The following GRK1 variants were observed in gnomAD, a reference collection of about 807,000 sequenced individuals.
GRK1 encodes G protein-coupled receptor kinase 1.
A neutral mutation model predicts 41.7 loss-of-function variants in GRK1; 28 were observed. That is an observed-to-expected ratio of 0.67 (90% CI 0.50 to 0.92). The LOEUF (loss-of-function observed/expected upper bound fraction) is 0.92. Ranked by LOEUF, GRK1 falls within the 40% of genes least tolerant of loss-of-function variation. The probability of loss-of-function intolerance (pLI) is 0.00; values close to 1 mark genes in which losing one functional copy is unlikely to be tolerated. For missense variants in GRK1, 703 were observed against 671.2 expected (o/e 1.05, Z -0.52); for synonymous variants, 327 against 286.7 (o/e 1.14, Z -1.42).
chr13:113,735,240 C>A lies in GRK1; in HGVS notation c.1569C>A (p.Ile523=). ...CCATCCCCTGGCAGGAGGAGATGAT[C>A]GAGACGGGCATCTTTGGCGAGCTGA... ...NCPIPWQEEM[I]ETGIFGELNV... is the part of the protein sequence containing the mutation. The change falls in exon 7 of 7, where the codon ATC becomes ATA. Residue 523 remains isoleucine (I), a synonymous_variant. Coordinates refer to ENST00000335678, the MANE Select transcript of GRK1 (RefSeq NM_002929.3). 1 of 1,537,158 alleles carries A rather than the reference C, an allele frequency of 6.5e-7. No homozygotes were observed. Among genetic ancestry groups the A allele is most frequent in the Non-Finnish European group, 8.7e-7 (1 of 1,146,900 alleles).
chr13:113,649,631 A>C, the GRK1 span: 1 of 1,366,202 alleles, frequency 7.3e-7, no homozygotes, highest in South Asian at 1.6e-5. This position sits in a 1 kb window ranked among gnomAD's most constrained non-coding sequence, Gnocchi z 4.7. Flanking sequence ...AGGTTGGTGC[A>C]GAGAAGCAGC....
the GRK1 span, chr13:113,657,989 G>A: frequency 1.3e-6 from 2 of 1,497,014 alleles, no homozygotes; most frequent in Admixed American, 1.9e-5. Flanking sequence ...CGTCCTCAGA[G>A]CGGCCCCCTC....
chr13:113,736,622 C>T lies in GRK1; in HGVS notation c.*1259C>T, dbSNP rs938477628. ...CGGCTCAGAGGGAGTGCATCCAAGC[C>T]GCAGGGAAGCAGTGGTGATGGGCGG... On this transcript the variant is annotated 3_prime_UTR_variant, in exon 7 of 7. Coordinates refer to ENST00000335678, the MANE Select transcript of GRK1 (RefSeq NM_002929.3). The T allele has an allele frequency of 1.3e-4, 20 of 152,238 alleles. No individual in the cohort carries two copies. The highest frequency in any genetic ancestry group is 4.6e-4 in the Admixed American group (7 of 15,286). 9.4% of individuals were successfully genotyped at this position (152,238 alleles called of 1,614,324 possible). A position where few individuals can be genotyped will look rare whatever the true frequency, so the allele number is the denominator to read the frequency against.
chr13:113,733,498 T>C (rs1351467657), intron 6 of GRK1, among the ~76,000 whole-genome samples: 2 of 142,802 alleles, frequency 1.4e-5, no homozygotes, highest in South Asian at 2.4e-4. Flanking sequence ...CGCGTGTGTG[T>C]ATGTGTGTGC....
At chr13:113,672,030 G>A (rs2049860999) in intron 3 of GRK1, among the ~76,000 whole-genome samples, 2 of 152,066 alleles carry the variant, frequency 1.3e-5, no homozygotes, top group African/African-American at 4.8e-5. Flanking sequence ...TGCGTGGGGG[G>A]CGGGGCGAGA....
chr13:113,664,062 T>G (rs574526627), upstream of GRK1, among the ~76,000 whole-genome samples: 1 of 152,230 alleles, frequency 6.6e-6, no homozygotes, highest in East Asian at 1.9e-4. This position sits in a 1 kb window ranked among gnomAD's most constrained non-coding sequence, Gnocchi z 5.4. Flanking sequence ...TGTGGCACTC[T>G]CCTCTGTGGA....
rs2049997786 is a variant in GRK1 at position 113,735,543 on chromosome 13, GCC to G, written c.*181_*182del. The stretch of plus-strand genomic sequence containing the variant: ...GAGAAAGCCCACATCGGCCTGAGCC[GCC>G]AGACGCACATGCTGGTGCCGTGAGC... On this transcript the variant is annotated 3_prime_UTR_variant, in exon 7 of 7. Coordinates refer to ENST00000335678, the MANE Select transcript of GRK1 (RefSeq NM_002929.3). 3 of 607,826 alleles carry G rather than the reference GCC, an allele frequency of 4.9e-6. No individual in the cohort carries two copies. Among genetic ancestry groups the G allele is most frequent in the Non-Finnish European group, 7.9e-6 (3 of 377,476 alleles). 37.7% of individuals were successfully genotyped at this position (607,826 alleles called of 1,614,324 possible).
rs1242479452 is a variant in GRK1 at position 113,667,854 on chromosome 13, C to T, written c.468C>T (p.His156=). Residue 156 remains histidine, a synonymous_variant, in exon 1 of 7, where the codon CAC becomes CAT. Coordinates refer to ENST00000335678, the MANE Select transcript of GRK1 (RefSeq NM_002929.3). This position sits in a 1 kb window ranked among gnomAD's most constrained non-coding sequence, Gnocchi z 7.5. ...FQPLLQATLA[H]LGQAPFQEYL... ...CCCTGCTGCAGGCCACCCTGGCACACCTGGGCCAAGCCCCCTTCCAGGAGT... is the reference window on the plus strand; with the variant it reads ...CCCTGCTGCAGGCCACCCTGGCACATCTGGGCCAAGCCCCCTTCCAGGAGT... 1.3e-6 allele frequency: 2 copies of T among 1,588,874 alleles called. No homozygotes were observed. Among genetic ancestry groups the T allele is most frequent in the South Asian group, 1.1e-5 (1 of 88,024 alleles).
rs148298276 is a variant in GRK1, at chr13:113,724,282, G to A, written c.1069+1125G>A. Among the ~76,000 whole-genome samples, 743 of 152,364 alleles carry A rather than the reference G, an allele frequency of 4.9e-3. 14 individuals are homozygous for A. Among genetic ancestry groups the A allele is most frequent in the African/African-American group, 0.017 (706 of 41,582 alleles). On this transcript the variant is annotated intron_variant, in intron 4 of 6. Coordinates refer to ENST00000335678, the MANE Select transcript of GRK1 (RefSeq NM_002929.3). ...CACACGCCACGTGCCCGGCGCCTGT[G>A]TACAGCAGCCACACCGTGAATTTGA...
At chr13:113,733,841 G>GCGCT (rs2049970343) in intron 6 of GRK1, among the ~76,000 whole-genome samples, 1 of 135,066 alleles carries the variant, frequency 7.4e-6, no homozygotes, top group African/African-American at 3.3e-5. Flanking sequence ...GCACGTGCGT[G>GCGCT]TGCATGTGTA....
At chr13:113,665,267 G>A (rs2049810159), upstream of GRK1, among the ~76,000 whole-genome samples, 1 of 152,180 alleles carries the variant, frequency 6.6e-6, no homozygotes, top group African/African-American at 2.4e-5. Flanking sequence ...ACTGTGTGCT[G>A]GAATAAGACA....
chr13:113,726,983 C>T (rs897135172), intron 4 of GRK1, among the ~76,000 whole-genome samples: 2 of 152,214 alleles, frequency 1.3e-5, no homozygotes, highest in African/African-American at 2.4e-5. Context: ...CAAAACTGAC[C>T]AGCCCCAGCA....
At chr13:113,650,306 G>T in the GRK1 span, 2 of 1,186,492 alleles carry the variant, frequency 1.7e-6, no homozygotes, top group Non-Finnish European at 2.5e-6. This position sits in a 1 kb window ranked among gnomAD's most constrained non-coding sequence, Gnocchi z 5.0. Context: ...TCACACCTTT[G>T]TTTCATTTTT....
chr13:113,729,642 G>A (rs534244147), intron 4 of GRK1, among the ~76,000 whole-genome samples: 25 of 152,298 alleles, frequency 1.6e-4, no homozygotes, highest in African/African-American at 5.3e-4. Flanking sequence ...CCTGGTGTCC[G>A]TGCAAAGGTG....
the GRK1 span, among the ~76,000 whole-genome samples, chr13:113,656,726 C>G: frequency 3.3e-5 from 5 of 152,192 alleles, no homozygotes; most frequent in South Asian, 1.0e-3. Flanking sequence ...TCCTGGGGCC[C>G]TAAGACTTTC....
At chr13:113,652,622 C>T in the GRK1 span, 1 of 573,202 alleles carries the variant, frequency 1.7e-6, no homozygotes, top group Non-Finnish European at 3.2e-6. Flanking sequence ...GCAGAGACCC[C>T]TGTTCAAATG....
At chr13:113,656,958 A>G in the GRK1 span, among the ~76,000 whole-genome samples, 2 of 152,044 alleles carry the variant, frequency 1.3e-5, no homozygotes, top group Non-Finnish European at 2.9e-5. Context: ...CTGGCCCAGG[A>G]GGCCCTTCTG....
chr13:113,733,949 T>TGTGTGC (rs2049977396), intron 6 of GRK1, among the ~76,000 whole-genome samples: 1 of 148,608 alleles, frequency 6.7e-6, no homozygotes, highest in African/African-American at 2.5e-5. Context: ...TGTGTGCGTG[T>TGTGTGC]GTGTGCATAC....
rs1158027930 is a variant in GRK1, at chr13:113,736,287, A to T, written c.*924A>T. The stretch of plus-strand genomic sequence containing the variant: ...GCTGGTCCGTCTCATCTCCCAGGGG[A>T]CACTTCAGGCCACGGGCCTTGTGCA... On this transcript the variant is annotated 3_prime_UTR_variant, in exon 7 of 7. Coordinates refer to ENST00000335678, the MANE Select transcript of GRK1 (RefSeq NM_002929.3). 6.6e-6 allele frequency: 1 copy of T among 152,104 alleles called. No individual in the cohort carries two copies. Among genetic ancestry groups the T allele is most frequent in the Non-Finnish European group, 1.5e-5 (1 of 68,064 alleles). The allele number at this position is 152,104 out of a possible 1,614,324, so 9.4% of individuals were successfully genotyped here. A position where few individuals can be genotyped will look rare whatever the true frequency, so the allele number is the denominator to read the frequency against.
Sources: allele counts gnomAD v4.1 joint callset (sites outside exome capture counted in the v4.1 genomes callset), GRCh38; gene constraint gnomAD v4.1.1; non-coding constraint Gnocchi (gnomAD v3.1); transcripts MANE v1.5; gene names NCBI Gene and HGNC (gene_info 2026-07-23, HGNC 2026-07-21).